OXCT1: variants seen among roughly 807,000 people sequenced by gnomAD.
OXCT1 encodes 3-oxoacid CoA-transferase 1, also known as succinyl-CoA:3-ketoacid coenzyme A transferase 1, mitochondrial.
Under a neutral mutation model 69.6 loss-of-function variants are expected in OXCT1, and 27 were observed. The ratio of observed to expected loss-of-function variants is 0.39; its 90% confidence interval spans 0.29 to 0.54. The LOEUF is 0.54. Among genes scored for constraint, OXCT1 ranks in the 20% least tolerant of loss-of-function variants. OXCT1 has a pLI of 0.72. For missense variants in OXCT1, 437 were observed against 650.2 expected (o/e 0.67, Z 3.57); for synonymous variants, 202 against 217.8 (o/e 0.93, Z 0.64).
At chr5:41,832,471 C>T (rs1748145873) in intron 7 of OXCT1, among the ~76,000 whole-genome samples, 1 of 152,140 alleles carries the variant, frequency 6.6e-6, no homozygotes. Flanking sequence ...ATACCTCCTA[C>T]AAGTTTACAA....
At chr5:41,780,946 T>C (rs138584157) in intron 13 of OXCT1, among the ~76,000 whole-genome samples, 4,267 of 151,652 alleles carry the variant, frequency 0.028, 152 homozygotes, top group Admixed American at 0.08. Context: ...CTCTGTCACC[T>C]AGGCTGCAGG....
chr5:41,749,433 T>G (rs1579652474), intron 15 of OXCT1, 94 bp downstream of exon 15: 1 of 739,040 alleles, frequency 1.4e-6, no homozygotes, highest in African/African-American at 1.7e-5. Flanking sequence ...AAATTAATCC[T>G]ATGACTACTG....
At chr5:41,802,178 A>ATTTTTTTTTTTTTTTTTT (rs1746454500) in intron 10 of OXCT1, among the ~76,000 whole-genome samples, 2 of 152,040 alleles carry the variant, frequency 1.3e-5, no homozygotes, top group African/African-American at 4.8e-5. Context: ...AATATATATC[A>ATTTTTTTTTTTTTTTTTT]TTTTTGTGTC....
In OXCT1 at chr5:41,827,911, G is replaced by A. The variant is rs555654146; in HGVS notation, c.732+12540C>T. 1.2e-4 allele frequency among the ~76,000 whole-genome samples: 18 copies of A among 152,258 alleles called. No individual in the cohort carries two copies. In the South Asian group the frequency reaches 3.7e-3, roughly 32 times the overall value. ...CGCCTCCTAAGGTGCTGATGATACA[G>A]ATGAAAAATCAGAGACATAGGGCCC... On this transcript the variant is annotated intron_variant, in intron 7 of 16. Transcript: ENST00000196371.
At chr5:41,755,377 C>T (rs1744013810) in intron 14 of OXCT1, among the ~76,000 whole-genome samples, 1 of 151,698 alleles carries the variant, frequency 6.6e-6, no homozygotes, top group Admixed American at 6.6e-5. Flanking sequence ...AATTTTTTTT[C>T]CCCAAACAGA....
At chr5:41,855,665 C>G (rs895073014) in intron 3 of OXCT1, among the ~76,000 whole-genome samples, 1 of 152,158 alleles carries the variant, frequency 6.6e-6, no homozygotes, top group Non-Finnish European at 1.5e-5. Flanking sequence ...CTTATTCTAT[C>G]CCTGTGTCAG....
In OXCT1 at chr5:41,794,667, T is replaced by A; in HGVS notation, c.1172+10A>T. On this transcript the variant is annotated intron_variant, in intron 12 of 16. Transcript: ENST00000196371. ...CTGTCTGAAACATGAGGGGCTCTGTTATTACATACCCTCTAATCATTGCAA... is the reference window on the plus strand; with the variant it reads ...CTGTCTGAAACATGAGGGGCTCTGTAATTACATACCCTCTAATCATTGCAA... The A allele has an allele frequency of 6.2e-7, 1 of 1,611,748 alleles. No individual in the cohort carries two copies.
At chr5:41,868,265 G>C (rs1258610992) in intron 1 of OXCT1, among the ~76,000 whole-genome samples, 1 of 152,236 alleles carries the variant, frequency 6.6e-6, no homozygotes, top group Non-Finnish European at 1.5e-5. Flanking sequence ...CTTTAAACAT[G>C]TGTAGAATAT....
At chr5:41,834,666 C>T (rs747784682) in intron 7 of OXCT1, among the ~76,000 whole-genome samples, 9 of 151,956 alleles carry the variant, frequency 5.9e-5, no homozygotes, top group South Asian at 2.1e-4. Flanking sequence ...CTGGGGCAGC[C>T]GGATACATAG....
At chr5:41,758,958 G>C (rs951052259) in intron 14 of OXCT1, among the ~76,000 whole-genome samples, 5 of 152,088 alleles carry the variant, frequency 3.3e-5, no homozygotes, top group African/African-American at 1.2e-4. Flanking sequence ...AAAACAGGGA[G>C]GAGTCTAATG....
At chr5:41,790,107 C>T (rs942957113) in intron 13 of OXCT1, among the ~76,000 whole-genome samples, 1 of 152,114 alleles carries the variant, frequency 6.6e-6, no homozygotes, top group Non-Finnish European at 1.5e-5. Context: ...CATAAGAATG[C>T]CTCATTCAAT....
At chr5:41,754,138 GA>G (rs1396894026) in intron 14 of OXCT1, among the ~76,000 whole-genome samples, 1 of 152,094 alleles carries the variant, frequency 6.6e-6, no homozygotes, top group East Asian at 1.9e-4. Flanking sequence ...ATAATTTGCT[GA>G]AAAGAAGGAC....
chr5:41,758,874 G>A (rs1385631027), intron 14 of OXCT1, among the ~76,000 whole-genome samples: 2 of 152,004 alleles, frequency 1.3e-5, no homozygotes, highest in Non-Finnish European at 2.9e-5. Context: ...CCCAAACTTG[G>A]TAGCATGGAT....
chr5:41,783,819 T>A (rs533471172), intron 13 of OXCT1, among the ~76,000 whole-genome samples: 3 of 152,192 alleles, frequency 2.0e-5, no homozygotes, highest in Non-Finnish European at 4.4e-5. Context: ...CAGTGAACAG[T>A]CAAAGTCTTA....
At chr5:41,827,250 T>C (rs780375179) in intron 7 of OXCT1, among the ~76,000 whole-genome samples, 3 of 152,166 alleles carry the variant, frequency 2.0e-5, no homozygotes, top group Non-Finnish European at 2.9e-5. Flanking sequence ...AATTCCTACT[T>C]ATACATATCC....
At chr5:41,765,434 T>C (rs1473732902) in intron 13 of OXCT1, among the ~76,000 whole-genome samples, 1 of 152,164 alleles carries the variant, frequency 6.6e-6, no homozygotes, top group Non-Finnish European at 1.5e-5. Context: ...TGGAACTACA[T>C]TGCACCATTC....
chr5:41,869,376 C>A (rs1033344534), intron 1 of OXCT1, among the ~76,000 whole-genome samples: 1 of 152,184 alleles, frequency 6.6e-6, no homozygotes, highest in Non-Finnish European at 1.5e-5. Flanking sequence ...GATAAAGCCA[C>A]CCTCCTGGAC....
chr5:41,792,262 A>C (rs1206665609), intron 13 of OXCT1, among the ~76,000 whole-genome samples: 1 of 152,198 alleles, frequency 6.6e-6, no homozygotes. Context: ...AAAAATAGGA[A>C]ATTAGCTCAA....
Position 41,762,985 on chromosome 5 carries a change from AG to A in OXCT1, c.1249-786del, listed in dbSNP as rs1335637786. ...GAGATGATAAAATGATTCTTACTCA[AG>A]TATATTGAGGAGAAATGTCTTTGAA... On this transcript the variant is annotated intron_variant, in intron 13 of 16. Transcript: ENST00000196371. The surrounding 1 kb of genome is among the most constrained non-coding windows in gnomAD (Gnocchi z 4.0). Among the ~76,000 whole-genome samples the A allele has an allele frequency of 2.0e-5, 3 of 152,098 alleles. No homozygotes were observed. Among genetic ancestry groups the A allele is most frequent in the Non-Finnish European group, 4.4e-5 (3 of 68,000 alleles).
Sources: allele counts gnomAD v4.1 joint callset (sites outside exome capture counted in the v4.1 genomes callset), GRCh38; gene constraint gnomAD v4.1.1; non-coding constraint Gnocchi (gnomAD v3.1); transcripts MANE v1.5; gene names NCBI Gene and HGNC (gene_info 2026-07-23, HGNC 2026-07-21).